Variants in USP7 observed in about 807,000 individuals in gnomAD.
USP7 encodes the protein ubiquitin C-terminal hydrolase 7.
In USP7, 9 loss-of-function variants were observed where a neutral mutation model predicts 162.9. The observed-to-expected ratio is 0.06, with a 90% CI of 0.03 to 0.10. The LOEUF (loss-of-function observed/expected upper bound fraction) is 0.10. USP7 is among the 10% of genes least tolerant of loss of function. USP7 has a pLI of 1.00. For synonymous variants in USP7, 562 were observed against 475.9 expected (o/e 1.18, Z -2.35); for missense variants, 715 against 1,373.7 (o/e 0.52, Z 7.58).
intron 1 of USP7, among the ~76,000 whole-genome samples, chr16:8,957,591 CAAA>C (rs111693286): frequency 1.5e-5 from 2 of 132,214 alleles, no homozygotes; most frequent in African/African-American, 5.6e-5. Context: ...ACTTAAAATT[CAAA>C]AAAAAAAAAA....
chr16:8,925,631 G>A (rs576526804), intron 2 of USP7, among the ~76,000 whole-genome samples: 5 of 152,228 alleles, frequency 3.3e-5, no homozygotes, highest in Admixed American at 6.5e-5. Context: ...GCCCAGCCCC[G>A]CAGAGGCCAC....
rs2061620142 is a variant in USP7, at chr16:8,892,866, A to G, written c.*1132T>C. The G allele has an allele frequency of 6.6e-6, 1 of 152,254 alleles. No individual in the cohort carries two copies. The highest frequency in any genetic ancestry group is 1.5e-5 in the Non-Finnish European group (1 of 68,048). The allele number at this position is 152,254 out of a possible 1,614,324, so 9.4% of individuals were successfully genotyped here. ...GTTGGTGTACACTGCTCCCACAGAA[A>G]CAACCCAAAAAATACCGGAAAAGGA... is the stretch of plus-strand genomic sequence containing the variant. On this transcript the variant is annotated 3_prime_UTR_variant, in exon 31 of 31. Transcript: ENST00000344836.
intron 1 of USP7, chr16:8,936,535 CTCCA>C (rs1443699064): frequency 1.3e-6 from 2 of 1,490,596 alleles, no homozygotes; most frequent in Non-Finnish European, 1.8e-6. Flanking sequence ...TATTGGTTAT[CTCCA>C]TCCATCACCA....
chr16:8,926,570 C>T (rs1316203244), intron 2 of USP7, among the ~76,000 whole-genome samples: 3 of 152,202 alleles, frequency 2.0e-5, no homozygotes, highest in Non-Finnish European at 4.4e-5. Flanking sequence ...AGATTGTCCT[C>T]CTACGAGGAA....
intron 1 of USP7, among the ~76,000 whole-genome samples, chr16:8,940,027 G>A (rs748564819): frequency 6.6e-6 from 1 of 152,124 alleles, no homozygotes; most frequent in Non-Finnish European, 1.5e-5. Context: ...GAACCAGGGA[G>A]GCGAAGGTTG....
At chr16:8,935,736 G>A (rs1241161869) in intron 1 of USP7, 1 of 152,134 alleles carries the variant, frequency 6.6e-6, no homozygotes, top group African/African-American at 2.4e-5. Context: ...ATATGAAAAG[G>A]CAGAAAATAT....
intron 1 of USP7, among the ~76,000 whole-genome samples, chr16:8,954,538 A>G (rs1240893513): frequency 6.6e-6 from 1 of 152,226 alleles, no homozygotes; most frequent in Non-Finnish European, 1.5e-5. Flanking sequence ...CAAATCCACA[A>G]TCTATTTTTT....
chr16:8,959,143 C>A (rs948244468), intron 1 of USP7, among the ~76,000 whole-genome samples: 1 of 152,164 alleles, frequency 6.6e-6, no homozygotes, highest in African/African-American at 2.4e-5. Context: ...CTCACAACAA[C>A]CTTGACGGGC....
chr16:8,938,794 G>C (rs965443401), intron 1 of USP7, among the ~76,000 whole-genome samples: 12 of 151,808 alleles, frequency 7.9e-5, no homozygotes, highest in Non-Finnish European at 1.6e-4. Flanking sequence ...CAAAACAATA[G>C]TCTACCAACT....
rs537578204 is a variant in USP7, at chr16:8,937,840, C to G, written c.80-7443G>C. 5.3e-5 allele frequency among the ~76,000 whole-genome samples: 8 copies of G among 152,234 alleles called. No individual in the cohort carries two copies. In the South Asian group the frequency reaches 1.7e-3, roughly 32 times the overall value. ...ACACAGAAGCCAGGAGACAACTGGA[C>G]AAGAGAATTGCTCAGGAGACCTGTA... On this transcript the variant is annotated intron_variant, in intron 1 of 30. Coordinates refer to ENST00000344836, the MANE Select transcript of USP7 (RefSeq NM_003470.3).
chr16:8,929,205 C>G (rs1410673340), intron 2 of USP7, among the ~76,000 whole-genome samples: 1 of 152,168 alleles, frequency 6.6e-6, no homozygotes. Context: ...GCCATGCCTT[C>G]CCAAATGCAC....
intron 2 of USP7, among the ~76,000 whole-genome samples, chr16:8,928,720 G>A (rs564235166): frequency 3.9e-5 from 6 of 152,274 alleles, no homozygotes; most frequent in African/African-American, 9.6e-5. Context: ...CAACCTTCTC[G>A]GATTATACGC....
Position 8,905,349 on chromosome 16 carries a change from C to T in USP7, c.1429-18G>A, listed in dbSNP as rs1334962125. ...TTACACCACTGCAAGGAAAACAACA[C>T]ACACCAGCAGCGATCAAGCACTGTG... On this transcript the variant is annotated intron_variant, in intron 13 of 30. Transcript: ENST00000344836. 3 of 1,613,076 alleles carry T rather than the reference C, an allele frequency of 1.9e-6. No individual in the cohort carries two copies. Among genetic ancestry groups the T allele is most frequent in the Admixed American group, 1.7e-5 (1 of 60,012 alleles).
chr16:8,900,221 G>A, intron 21 of USP7: 1 of 332,260 alleles, frequency 3.0e-6, no homozygotes, highest in African/African-American at 2.2e-5. Flanking sequence ...ACCCAAGTAG[G>A]TACATTCTAA....
At chr16:8,941,122 GGCCCAT>G (rs990164429) in intron 1 of USP7, among the ~76,000 whole-genome samples, 14 of 149,664 alleles carry the variant, frequency 9.4e-5, no homozygotes, top group Non-Finnish European at 2.1e-4. Flanking sequence ...ATTCACATGG[GGCCCAT>G]GCCCCATGCC....
chr16:8,929,634 T>C, intron 2 of USP7: 1 of 454,730 alleles, frequency 2.2e-6, no homozygotes, highest in Non-Finnish European at 4.4e-6. Flanking sequence ...AGGGGCTGCA[T>C]ACTGCAATTA....
rs559551822 is a variant in USP7 at position 8,945,299 on chromosome 16, G to A, written c.80-14902C>T. Among the ~76,000 whole-genome samples, 12 of 152,142 alleles carry A rather than the reference G, an allele frequency of 7.9e-5. No individual in the cohort carries two copies. In the South Asian group the frequency reaches 1.7e-3, roughly 21 times the overall value. ...CTCGGGAGGCTGAGGCACAAGAATCGTTTGTACCTGGGAGGTGGAGGTTGC... is the reference window on the plus strand; with the variant it reads ...CTCGGGAGGCTGAGGCACAAGAATCATTTGTACCTGGGAGGTGGAGGTTGC... On this transcript the variant is annotated intron_variant, in intron 1 of 30. Coordinates refer to ENST00000344836, the MANE Select transcript of USP7 (RefSeq NM_003470.3).
At chr16:8,916,463 T>G (rs1897373882) in intron 8 of USP7, 39 bp downstream of exon 8, 5 of 1,583,614 alleles carry the variant, frequency 3.2e-6, no homozygotes, top group Non-Finnish European at 4.3e-6. Context: ...CTTCAAAATA[T>G]TCATTGTAAG....
chr16:8,894,690 A>T, intron 29 of USP7, 50 bp from the exon 30 acceptor site: 6 of 1,612,086 alleles, frequency 3.7e-6, no homozygotes, highest in Non-Finnish European at 5.1e-6. Flanking sequence ...ATATCAGCAA[A>T]ACTCACATCT....
Sources: gnomAD v4.1 joint callset for allele counts (sites outside exome capture counted in the v4.1 genomes callset) on GRCh38, gnomAD v4.1.1 for gene constraint, MANE v1.5 for transcripts, NCBI Gene and HGNC (gene_info 2026-07-23, HGNC 2026-07-21) for gene names.